ZNF839: variants seen among roughly 807,000 people sequenced by gnomAD.
ZNF839 encodes the protein renal carcinoma antigen NY-REN-50.
Under a neutral mutation model 56.4 loss-of-function variants are expected in ZNF839, and 38 were observed. The observed-to-expected ratio is 0.67, with a 90% CI of 0.52 to 0.88. ZNF839 has a LOEUF of 0.88. Ranked by LOEUF, ZNF839 falls within the 40% of genes least tolerant of loss-of-function variation. ZNF839 has a pLI of 0.00. For missense variants in ZNF839, 1,091 were observed against 1,177.6 expected, an observed-to-expected ratio of 0.93 and a Z score of 1.08; for synonymous variants, 486 against 493.5, an observed-to-expected ratio of 0.98 and a Z score of 0.20.
At position 102,319,824 on chromosome 14, in the gene ZNF839, G is replaced by GCGA; in HGVS notation, c.60_61insGAC (p.Gly20_Pro21insAsp). On this transcript the variant is annotated inframe_insertion, in exon 1 of 8. Coordinates refer to ENST00000442396, the MANE Select transcript of ZNF839 (RefSeq NM_018335.6). The surrounding 1 kb of genome is among the most constrained non-coding windows in gnomAD (Gnocchi z 4.5). ...AGCGAGGATGGCGGCGGCGGCGGCGGCCCGGCTCCTCCGGGCCAGAGCGGC... is the reference window on the plus strand; with the variant it reads ...AGCGAGGATGGCGGCGGCGGCGGCGGCGACCCGGCTCCTCCGGGCCAGAGCGGC... 1 of 1,231,782 alleles carries GCGA rather than the reference G, an allele frequency of 8.1e-7. No individual in the cohort carries two copies. The highest frequency in any genetic ancestry group is 3.9e-5 in the South Asian group (1 of 25,404). The allele number at this position is 1,231,782 out of a possible 1,614,324, so 76.3% of individuals were successfully genotyped here.
intron 1 of ZNF839, among the ~76,000 whole-genome samples, chr14:102,321,237 C>T (rs1383253551): frequency 2.0e-5 from 3 of 152,336 alleles, no homozygotes; most frequent in East Asian, 1.9e-4. Flanking sequence ...CTCTGCTCTG[C>T]GCCCGGCGCT....
intron 2 of ZNF839, among the ~76,000 whole-genome samples, chr14:102,330,899 G>A (rs934816845): frequency 1.3e-5 from 2 of 152,174 alleles, no homozygotes; most frequent in African/African-American, 2.4e-5. Context: ...AGGACATGAG[G>A]ACAAGGCCAG....
chr14:102,328,375 A>ATATATATATATAT (rs1555442800), intron 2 of ZNF839, among the ~76,000 whole-genome samples: 1 of 16,342 alleles, frequency 6.1e-5, no homozygotes, highest in Admixed American at 9.0e-4. Flanking sequence ...AAAAAAAAAA[A>ATATATATATATAT]ATATATATAT....
In ZNF839 at chr14:102,342,080, T is replaced by C. The variant is rs536230561; in HGVS notation, c.2685T>C (p.Asp895=). 1.3e-5 allele frequency: 21 copies of C among 1,614,010 alleles called. No homozygotes were observed. The highest frequency in any genetic ancestry group is 1.0e-4 in the Admixed American group (6 of 60,016). ...GQKQIFIQTS[D]GLILSPPGTI... ...AGCAGATTTTTATTCAGACTTCCGATGGGCTTATCTTGTCCCCTCCAGGTA... is the reference window on the plus strand; with the variant it reads ...AGCAGATTTTTATTCAGACTTCCGACGGGCTTATCTTGTCCCCTCCAGGTA... The change falls in exon 8 of 8, where the codon GAT becomes GAC. Residue 895 remains aspartate, a synonymous_variant. Transcript: ENST00000442396.
rs1212938000 is a variant in ZNF839, at chr14:102,338,658, G to T, written c.1660-158G>T. On this transcript the variant is annotated intron_variant, in intron 5 of 7. Transcript: ENST00000442396. The stretch of plus-strand genomic sequence containing the variant: ...CAGCTAGTCCATCTAACATTATATT[G>T]ATCTTCATCTTTCTCATTGTTGAGA... 2.0e-5 allele frequency among the ~76,000 whole-genome samples: 3 copies of T among 148,852 alleles called. No homozygotes were observed. In the Admixed American group the frequency reaches 2.0e-4, roughly 10 times the overall value.
Position 102,335,853 on chromosome 14 carries a change from TGGC to T in ZNF839, c.1659+16_1659+18del. The T allele has an allele frequency of 6.2e-7, 1 of 1,608,268 alleles. No homozygotes were observed. The highest frequency in any genetic ancestry group is 1.1e-5 in the South Asian group (1 of 90,652). ...ACAATGATAAGGTAACAATCTCCCA[TGGC>T]AGAAAGAGTTTTGCTCATAGAGTTA... is the stretch of plus-strand genomic sequence containing the variant. On this transcript the variant is annotated intron_variant, in intron 5 of 7. Transcript: ENST00000442396.
At chr14:102,335,549 C>A in intron 4 of ZNF839, 140 bp from the exon 5 acceptor site, 1 of 782,838 alleles carries the variant, frequency 1.3e-6, no homozygotes. Flanking sequence ...AGTAGGTGCT[C>A]ACTGGGGACT....
chr14:102,319,252 G>T (rs1343086186), upstream of ZNF839: 1 of 152,236 alleles, frequency 6.6e-6, no homozygotes, highest in Non-Finnish European at 1.5e-5. The surrounding 1 kb of genome is among the most constrained non-coding windows in gnomAD (Gnocchi z 4.5). Flanking sequence ...CACCCAATCT[G>T]GGTGGGTGGG....
rs1597723235 is a variant in ZNF839 at position 102,331,497 on chromosome 14, G to A, written c.1192-125G>A. 10 of 770,004 alleles carry A rather than the reference G, an allele frequency of 1.3e-5. No individual in the cohort carries two copies. The East Asian group carries it at 1.9e-4, about 15-fold the overall frequency. The allele number at this position is 770,004 out of a possible 1,614,324, so 47.7% of individuals were successfully genotyped here. A position where few individuals can be genotyped will look rare whatever the true frequency, so the allele number is the denominator to read the frequency against. On this transcript the variant is annotated intron_variant, in intron 2 of 7. Coordinates refer to ENST00000442396, the MANE Select transcript of ZNF839 (RefSeq NM_018335.6). The stretch of plus-strand genomic sequence containing the variant: ...ACTCCTAACCTCAAATGATCCACCC[G>A]CCTTGGGCTCCCAAAGTGCTGGGAT...
Position 102,326,174 on chromosome 14 carries a change from G to A in ZNF839, c.478G>A (p.Glu160Lys), listed in dbSNP as rs753064425. 1.9e-6 allele frequency: 3 copies of A among 1,613,574 alleles called. No homozygotes were observed. The highest frequency in any genetic ancestry group is 1.7e-5 in the Admixed American group (1 of 59,958). ...LLRVQPLVRT[E>K]PQSCFLSDLC... Reference sequence around the variant, plus strand: ...CAGGGTACAGCCGCTTGTGAGAACCGAGCCACAGTCCTGCTTCCTAAGTGA... The same window carrying A: ...CAGGGTACAGCCGCTTGTGAGAACCAAGCCACAGTCCTGCTTCCTAAGTGA... The change falls in exon 2 of 8, where the codon GAG becomes AAG. Residue 160 changes from glutamate (E) to lysine (K), a missense_variant. This residue lies in a region of ZNF839 where 614 missense variants were observed against 629.2 expected (regional missense o/e 0.98). Transcript: ENST00000442396. The surrounding 1 kb of genome is among the most constrained non-coding windows in gnomAD (Gnocchi z 4.3).
rs188261968 is a variant in ZNF839 at position 102,329,247 on chromosome 14, C to T, written c.1191+2360C>T. 5.1e-3 allele frequency among the ~76,000 whole-genome samples: 770 copies of T among 152,308 alleles called. 3 individuals carry two copies. The highest frequency in any genetic ancestry group is 6.8e-3 in the Non-Finnish European group (460 of 68,032). ...CCACCCAAAGTGCTGGGATTACAGG[C>T]GTGAGCCACCACGCCCGGCCCAATT... On this transcript the variant is annotated intron_variant, in intron 2 of 7. Transcript: ENST00000442396.
In ZNF839 at chr14:102,326,844, C is replaced by T. The variant is rs772951571; in HGVS notation, c.1148C>T (p.Ala383Val). 1 of 1,608,740 alleles carries T rather than the reference C, an allele frequency of 6.2e-7. No homozygotes were observed. Among genetic ancestry groups the T allele is most frequent in the Non-Finnish European group, 8.5e-7 (1 of 1,177,072 alleles). ...SMPADPCEGG[A>V]RSCLVTESAR... ...CCAGCGGATCCATGTGAGGGAGGGGCCCGCTCCTGCTTGGTGACAGAGTCA... is the reference window on the plus strand; with the variant it reads ...CCAGCGGATCCATGTGAGGGAGGGGTCCGCTCCTGCTTGGTGACAGAGTCA... Residue 383 changes from alanine (A) to valine (V), a missense_variant, in exon 2 of 8, where the codon GCC becomes GTC. Coordinates refer to ENST00000442396, the MANE Select transcript of ZNF839 (RefSeq NM_018335.6). The surrounding 1 kb of genome is among the most constrained non-coding windows in gnomAD (Gnocchi z 4.3).
Position 102,338,864 on chromosome 14 carries a change from C to G in ZNF839, c.1708C>G (p.His570Asp), listed in dbSNP as rs1183937625. ...AGAATTCCTACGGAAGAAAGAAATA[C>G]ACCCAGACAACCTTGGACCCAAGCA... is the stretch of plus-strand genomic sequence containing the variant. ...ITEFLRKKEI[H>D]PDNLGPKHLS... The change falls in exon 6 of 8, where the codon CAC (histidine) becomes GAC (aspartate). Residue 570 changes from histidine (H) to aspartate (D), a missense_variant. Around this residue, in one of 3 missense-constraint regions of ZNF839, gnomAD observed 431 missense variants for 468.0 expected, o/e 0.92. Coordinates refer to ENST00000442396, the MANE Select transcript of ZNF839 (RefSeq NM_018335.6). 2.5e-6 allele frequency: 4 copies of G among 1,613,870 alleles called. No individual in the cohort carries two copies. The highest frequency in any genetic ancestry group is 1.1e-5 in the South Asian group (1 of 91,076).
rs1203708999 is a variant in ZNF839 at position 102,342,089 on chromosome 14, C to G, written c.2694C>G (p.Ile898Met). Residue 898 changes from isoleucine (I) to methionine (M), a missense_variant, in exon 8 of 8, where the codon ATC becomes ATG. Physicochemically the swap from Ile to Met is conservative, Grantham distance 10. Around this residue, in one of 3 missense-constraint regions of ZNF839, gnomAD observed 431 missense variants for 468.0 expected, o/e 0.92. Transcript: ENST00000442396. ...TTATTCAGACTTCCGATGGGCTTAT[C>G]TTGTCCCCTCCAGGTACAATAGTGT... ...QIFIQTSDGL[I>M]LSPPGTIVSQ... 1 of 1,613,902 alleles carries G rather than the reference C, an allele frequency of 6.2e-7. No individual in the cohort carries two copies. The highest frequency in any genetic ancestry group is 1.3e-5 in the African/African-American group (1 of 74,932).
intron 2 of ZNF839, among the ~76,000 whole-genome samples, chr14:102,329,459 A>G (rs190788152): frequency 6.6e-6 from 1 of 151,932 alleles, no homozygotes; most frequent in African/African-American, 2.4e-5. Context: ...ATCTCAGCTC[A>G]CTGCAACCTC....
At chr14:102,324,150 T>G (rs1034929245) in intron 1 of ZNF839, among the ~76,000 whole-genome samples, 1 of 152,204 alleles carries the variant, frequency 6.6e-6, no homozygotes, top group African/African-American at 2.4e-5. Flanking sequence ...TCCTTATGGC[T>G]TTGTTGTCGC....
rs142092600 is a variant in ZNF839, at chr14:102,335,518, T to C, written c.1510-171T>C. On this transcript the variant is annotated intron_variant, in intron 4 of 7. Transcript: ENST00000442396. ...CTCCTCCCATGCCCATCCTGGCTTC[T>C]CTGCACCATGCGGGGCACACAGTAG... is the stretch of plus-strand genomic sequence containing the variant. The C allele has an allele frequency of 3.2e-3, 2,091 of 655,934 alleles. 35 individuals are homozygous for C. The African/African-American group carries it at 0.034, about 11-fold the overall frequency. The allele number at this position is 655,934 out of a possible 1,614,324, so 40.6% of individuals were successfully genotyped here.
Position 102,326,959 on chromosome 14 carries a change from C to CT in ZNF839, c.1191+72_1191+73insT. On this transcript the variant is annotated intron_variant, in intron 2 of 7. Transcript: ENST00000442396. The surrounding 1 kb of genome is among the most constrained non-coding windows in gnomAD (Gnocchi z 4.3). ...GATTGCTATAAAGAAATACCTGAGA[C>CT]CAGGTATTTTATAAAGAAAAGAGGG... The CT allele has an allele frequency of 6.5e-6, 9 of 1,386,534 alleles. No individual in the cohort carries two copies. The highest frequency in any genetic ancestry group is 2.9e-5 in the African/African-American group (2 of 68,818). The allele number at this position is 1,386,534 out of a possible 1,614,324, so 85.9% of individuals were successfully genotyped here.
chr14:102,340,345 C>T (rs1886375718), intron 7 of ZNF839, among the ~76,000 whole-genome samples: 2 of 150,908 alleles, frequency 1.3e-5, no homozygotes, highest in Admixed American at 1.3e-4. Flanking sequence ...GATCTCTGCT[C>T]ACTGCAACCT....
Sources: gnomAD v4.1 joint callset for allele counts (sites outside exome capture counted in the v4.1 genomes callset) on GRCh38, gnomAD v4.1.1 for gene constraint, gnomAD v4.1.1 regional missense constraint, Gnocchi (gnomAD v3.1) non-coding constraint, MANE v1.5 for transcripts, NCBI Gene and HGNC (gene_info 2026-07-23, HGNC 2026-07-21) for gene names.